MDGA1: variants seen among roughly 807,000 people sequenced by gnomAD.
MDGA1 encodes MAM domain-containing glycosylphosphatidylinositol anchor protein 1.
In MDGA1, 54 loss-of-function variants were observed where a neutral mutation model predicts 101.5. That is an observed-to-expected ratio of 0.53 (90% CI 0.43 to 0.67). The LOEUF (loss-of-function observed/expected upper bound fraction) is 0.67. Among genes scored for constraint, MDGA1 ranks in the 30% least tolerant of loss-of-function variants. MDGA1 has a pLI of 0.00. For missense variants in MDGA1, 1,083 were observed against 1,323.8 expected (o/e 0.82, Z 2.82); for synonymous variants, 533 against 558.3 (o/e 0.95, Z 0.64).
Position 37,646,280 on chromosome 6 carries a change from G to A in MDGA1, c.2142C>T (p.Pro714=). The A allele has an allele frequency of 3.1e-6, 5 of 1,604,918 alleles. No individual in the cohort carries two copies. The highest frequency in any genetic ancestry group is 1.1e-5 in the South Asian group (1 of 89,194). Residue 714 remains proline, a synonymous_variant, in exon 11 of 17, where the codon CCC becomes CCT. Coordinates refer to ENST00000434837, the MANE Select transcript of MDGA1 (RefSeq NM_153487.4). ...LEYILTDLRV[P]HSYEVRLTPY... ...GTGTGAGGCGGACCTCATAGCTGTG[G>A]GGCACACGGAGATCGGTCAGGATGT...
At chr6:37,645,073 G>A (rs949507272) in intron 12 of MDGA1, among the ~76,000 whole-genome samples, 3 of 152,094 alleles carry the variant, frequency 2.0e-5, no homozygotes, top group African/African-American at 7.2e-5. Flanking sequence ...AAATACAAAT[G>A]GATATAAATG....
At chr6:37,685,551 C>T (rs896499011) in intron 1 of MDGA1, among the ~76,000 whole-genome samples, 1 of 152,204 alleles carries the variant, frequency 6.6e-6, no homozygotes, top group Non-Finnish European at 1.5e-5. Context: ...GGACCAGAGC[C>T]TCTCACACAG....
At chr6:37,640,929 G>A (rs1024613915) in intron 14 of MDGA1, among the ~76,000 whole-genome samples, 20 of 152,196 alleles carry the variant, frequency 1.3e-4, no homozygotes, top group African/African-American at 4.6e-4. Flanking sequence ...AAGCCAGGGT[G>A]AGTACCTCCT....
At chr6:37,692,171 G>T (rs962936616) in intron 1 of MDGA1, among the ~76,000 whole-genome samples, 5 of 152,196 alleles carry the variant, frequency 3.3e-5, no homozygotes, top group Non-Finnish European at 7.3e-5. Flanking sequence ...AAGATGCAAT[G>T]TGGCGGCCAA....
intron 1 of MDGA1, among the ~76,000 whole-genome samples, chr6:37,667,102 G>A (rs1021906555): frequency 1.3e-5 from 2 of 152,226 alleles, no homozygotes; most frequent in African/African-American, 2.4e-5. Context: ...GGACAGACAT[G>A]AACTAATCAC....
chr6:37,668,736 A>G (rs1761807559), intron 1 of MDGA1, among the ~76,000 whole-genome samples: 1 of 152,220 alleles, frequency 6.6e-6, no homozygotes, highest in Non-Finnish European at 1.5e-5. Context: ...TTAAAACTGG[A>G]AGAACTAATC....
intron 1 of MDGA1, among the ~76,000 whole-genome samples, chr6:37,664,842 G>GACAC (rs35594367): frequency 0.046 from 2,561 of 55,176 alleles, 311 homozygotes; most frequent in East Asian, 0.069. Flanking sequence ...CCTAACCTAA[G>GACAC]ACACACACAC....
chr6:37,647,787 G>C (rs1444955453), intron 9 of MDGA1, among the ~76,000 whole-genome samples: 1 of 151,896 alleles, frequency 6.6e-6, no homozygotes, highest in Non-Finnish European at 1.5e-5. Context: ...AGGGAAGGAG[G>C]TGGGAAATGT....
rs1581608067 is a variant in MDGA1 at position 37,663,707 on chromosome 6, G to A, written c.207+260C>T. Among the ~76,000 whole-genome samples, 3 of 152,204 alleles carry A rather than the reference G, an allele frequency of 2.0e-5. No homozygotes were observed. The South Asian group carries it at 6.2e-4, about 32-fold the overall frequency. ...AAGGATGTGTCTGCTCAACAGATCCGTGGAATGGAGTGGAATTGAACAACC... is the reference window on the plus strand; with the variant it reads ...AAGGATGTGTCTGCTCAACAGATCCATGGAATGGAGTGGAATTGAACAACC... On this transcript the variant is annotated intron_variant, in intron 2 of 16. Transcript: ENST00000434837.
intron 1 of MDGA1, among the ~76,000 whole-genome samples, chr6:37,695,448 T>C (rs1762396908): frequency 6.6e-6 from 1 of 152,028 alleles, no homozygotes; most frequent in Non-Finnish European, 1.5e-5. Flanking sequence ...ACAAACTAAT[T>C]AAGAAGCAGA....
intron 1 of MDGA1, among the ~76,000 whole-genome samples, chr6:37,679,546 A>G (rs960978282): frequency 1.3e-5 from 2 of 152,156 alleles, no homozygotes; most frequent in African/African-American, 4.8e-5. Flanking sequence ...CCAGGGTCTC[A>G]GTCTTGTTCC....
In MDGA1 at chr6:37,696,667, C is replaced by A. The variant is rs1434842184; in HGVS notation, c.67+78G>T. On this transcript the variant is annotated intron_variant, in intron 1 of 16. Coordinates refer to ENST00000434837, the MANE Select transcript of MDGA1 (RefSeq NM_153487.4). The surrounding 1 kb of genome is among the most constrained non-coding windows in gnomAD (Gnocchi z 5.6). ...CCGAGTCGAGGTCTCCACCAAACCC[C>A]GGCAGCGCGCACTTTGCGCCTCTTG... is the stretch of plus-strand genomic sequence containing the variant. 9 of 1,404,984 alleles carry A rather than the reference C, an allele frequency of 6.4e-6. No individual in the cohort carries two copies. The highest frequency in any genetic ancestry group is 8.9e-6 in the Non-Finnish European group (9 of 1,014,142). 87.0% of individuals were successfully genotyped at this position (1,404,984 alleles called of 1,614,324 possible).
chr6:37,655,535 T>C lies in MDGA1; in HGVS notation c.579+165A>G. On this transcript the variant is annotated intron_variant, in intron 4 of 16. Transcript: ENST00000434837. The surrounding 1 kb of genome is among the most constrained non-coding windows in gnomAD (Gnocchi z 5.1). ...ATTGCTGCTCCCTGACCTTTCCATCTGATTTTTCTGCCCCAGGCTGTCTGA... is the reference window on the plus strand; with the variant it reads ...ATTGCTGCTCCCTGACCTTTCCATCCGATTTTTCTGCCCCAGGCTGTCTGA... The C allele has an allele frequency of 1.6e-6, 1 of 613,460 alleles. No homozygotes were observed. Among genetic ancestry groups the C allele is most frequent in the Non-Finnish European group, 2.9e-6 (1 of 350,216 alleles). 38.0% of individuals were successfully genotyped at this position (613,460 alleles called of 1,614,324 possible).
chr6:37,678,002 C>T lies in MDGA1; in HGVS notation c.68-13896G>A, dbSNP rs1406845248. 4.6e-5 allele frequency among the ~76,000 whole-genome samples: 7 copies of T among 152,192 alleles called. No individual in the cohort carries two copies. In the East Asian group the frequency reaches 1.3e-3, roughly 29 times the overall value. On this transcript the variant is annotated intron_variant, in intron 1 of 16. Transcript: ENST00000434837. ...ATGCAGTTACCTGGTTCCTCCAGGC[C>T]AGGCCTTGGCTTCTACCCAGGAGAC...
At chr6:37,679,163 G>A (rs1440151495) in intron 1 of MDGA1, among the ~76,000 whole-genome samples, 2 of 152,044 alleles carry the variant, frequency 1.3e-5, no homozygotes, top group Admixed American at 1.3e-4. Context: ...TAAGTGGCAG[G>A]CTCCATAGGA....
intron 1 of MDGA1, among the ~76,000 whole-genome samples, chr6:37,672,719 G>T (rs182531632): frequency 3.3e-5 from 5 of 152,284 alleles, no homozygotes; most frequent in Admixed American, 2.6e-4. Flanking sequence ...TCTGTGTTCT[G>T]GTCCTGGCTT....
rs761961388 is a variant in MDGA1, at chr6:37,650,272, A to G, written c.1446T>C (p.Ala482=). The change falls in exon 8 of 17, where the codon GCT becomes GCC. Residue 482 remains alanine, a synonymous_variant. Coordinates refer to ENST00000434837, the MANE Select transcript of MDGA1 (RefSeq NM_153487.4). ...PVLWSRVDKE[A]ALLPSGLPLE... ...GGGGCAGCCCCGAGGGCAGCAGTGC[A>G]GCCTCCTTGTCCACGCGGGACCAGA... The G allele has an allele frequency of 6.2e-7, 1 of 1,607,952 alleles. No homozygotes were observed.
chr6:37,690,066 C>T (rs1485469784), intron 1 of MDGA1, among the ~76,000 whole-genome samples: 1 of 152,220 alleles, frequency 6.6e-6, no homozygotes, highest in Non-Finnish European at 1.5e-5. Flanking sequence ...TCTGGCCCCA[C>T]CTTCTACTGC....
intron 1 of MDGA1, among the ~76,000 whole-genome samples, chr6:37,688,328 G>A (rs1430147449): frequency 2.0e-5 from 3 of 152,214 alleles, no homozygotes; most frequent in Non-Finnish European, 2.9e-5. Context: ...AAGCTCTCCA[G>A]GTGGTTCTGA....
Sources: gnomAD v4.1 joint callset for allele counts (sites outside exome capture counted in the v4.1 genomes callset) on GRCh38, gnomAD v4.1.1 for gene constraint, Gnocchi (gnomAD v3.1) non-coding constraint, MANE v1.5 for transcripts, NCBI Gene and HGNC (gene_info 2026-07-23, HGNC 2026-07-21) for gene names.